The following P2RY8 variants were observed in gnomAD, a reference collection of about 807,000 sequenced individuals.
P2RY8 encodes P2Y receptor family member 8.
In P2RY8, 6 loss-of-function variants were observed where a neutral mutation model predicts 10.0. The observed-to-expected ratio is 0.60, with a 90% CI of 0.33 to 1.19. P2RY8 has a LOEUF of 1.19. Ranked by LOEUF, P2RY8 falls within the 50% of genes most tolerant of loss-of-function variation. The pLI, the probability that P2RY8 is intolerant of heterozygous loss-of-function variation, is 0.04. For synonymous variants in P2RY8, 276 were observed against 252.5 expected (o/e 1.09, Z -0.88); for missense variants, 456 against 542.0 (o/e 0.84, Z 1.58).
chrX:1,509,146 CT>C (rs1231051075), intron 1 of P2RY8, among the ~76,000 whole-genome samples: 13 of 131,790 alleles, frequency 9.9e-5, no homozygotes, highest in African/African-American at 3.7e-4. Flanking sequence ...TATCTATCAT[CT>C]ATGTATCCAT....
intron 1 of P2RY8, among the ~76,000 whole-genome samples, chrX:1,499,155 TTTC>T (rs1488895163): frequency 0.013 from 1,449 of 115,788 alleles, 23 homozygotes; most frequent in African/African-American, 0.04. Context: ...TCTTTTTCTT[TTTC>T]TTTTCTTTTT....
chrX:1,512,037 G>C (rs1269618677), intron 1 of P2RY8, among the ~76,000 whole-genome samples: 2 of 152,102 alleles, frequency 1.3e-5, no homozygotes, highest in Non-Finnish European at 2.9e-5. Flanking sequence ...CATCACACCA[G>C]ATATGTAAGC....
At chrX:1,497,875 C>G (rs1292348644) in intron 1 of P2RY8, among the ~76,000 whole-genome samples, 1 of 151,926 alleles carries the variant, frequency 6.6e-6, no homozygotes, top group Non-Finnish European at 1.5e-5. Flanking sequence ...CTAGCGGGTC[C>G]TTGCCATCCA....
chrX:1,521,673 C>T (rs752716448), intron 1 of P2RY8, among the ~76,000 whole-genome samples: 7 of 152,190 alleles, frequency 4.6e-5, no homozygotes, highest in South Asian at 4.1e-4. Flanking sequence ...TGCTTAGAAA[C>T]GGCAAAGGAA....
chrX:1,516,207 A>AAAC (rs765641892), intron 1 of P2RY8, among the ~76,000 whole-genome samples: 9,839 of 25,534 alleles, frequency 0.39, 981 homozygotes, highest in African/African-American at 0.45. Context: ...CAGAAAAACA[A>AAAC]AACAACAACA....
At chrX:1,504,281 A>C (rs1278548677) in intron 1 of P2RY8, among the ~76,000 whole-genome samples, 1 of 150,152 alleles carries the variant, frequency 6.7e-6, no homozygotes, top group South Asian at 2.1e-4. Flanking sequence ...GCGCCACTGC[A>C]CTCCAGCCTG....
At chrX:1,475,453 A>G (rs1226593220) in intron 1 of P2RY8, among the ~76,000 whole-genome samples, 1 of 152,130 alleles carries the variant, frequency 6.6e-6, no homozygotes, top group Non-Finnish European at 1.5e-5. Context: ...CAATACCTTC[A>G]TCTCAGACTT....
In P2RY8 at chrX:1,466,076, G is replaced by A. The variant is rs748140566; in HGVS notation, c.483C>T (p.Thr161=). The change falls in exon 2 of 2, where the codon ACC becomes ACT. Residue 161 remains threonine, a synonymous_variant. Coordinates refer to ENST00000381297, the MANE Select transcript of P2RY8 (RefSeq NM_178129.5). ...LLTALSPLAR[T]DLTYPVHALG... Reference sequence around the variant, plus strand: ...GGGCGTGCACCGGGTAGGTGAGATCGGTGCGCGCCAGCGGGGACAGGGCGG... The same window carrying A: ...GGGCGTGCACCGGGTAGGTGAGATCAGTGCGCGCCAGCGGGGACAGGGCGG... The A allele has an allele frequency of 5.0e-6, 8 of 1,611,582 alleles. No individual in the cohort carries two copies. The Admixed American group carries it at 5.0e-5, about 10-fold the overall frequency.
chrX:1,506,583 C>T (rs1374733285), intron 1 of P2RY8, among the ~76,000 whole-genome samples: 2 of 152,014 alleles, frequency 1.3e-5, no homozygotes, highest in Non-Finnish European at 2.9e-5. Flanking sequence ...GTATCTACCA[C>T]GTTGACCAGA....
intron 1 of P2RY8, among the ~76,000 whole-genome samples, chrX:1,496,630 GCAGTCATTTGTAGGTAA>G (rs2092119258): frequency 6.6e-6 from 1 of 151,900 alleles, no homozygotes; most frequent in South Asian, 2.1e-4. Flanking sequence ...TTCAGACGGA[GCAGTCATTTGTAGGTAA>G]CTAGGACTTG....
rs375891338 is a variant in P2RY8 at position 1,466,022 on chromosome X, G to A, written c.537C>T (p.Leu179=). 19 of 1,611,890 alleles carry A rather than the reference G, an allele frequency of 1.2e-5. No homozygotes were observed. Among genetic ancestry groups the A allele is most frequent in the East Asian group, 2.2e-5 (1 of 44,894 alleles). ...ALGIITCFDV[L]KWTMLPSVAM... ...CCACGCTGGGGAGCATCGTCCACTT[G>A]AGGACGTCGAAGCAGGTGATGATGC... The change falls in exon 2 of 2, where the codon CTC becomes CTT. Residue 179 remains leucine (L), a synonymous_variant. Coordinates refer to ENST00000381297, the MANE Select transcript of P2RY8 (RefSeq NM_178129.5).
At chrX:1,468,808 TCCCCTCACCCCTCCCCTTC>T (rs1188214800) in intron 1 of P2RY8, among the ~76,000 whole-genome samples, 3 of 2,228 alleles carry the variant, frequency 1.3e-3, no homozygotes, top group African/African-American at 4.4e-3. Context: ...CCCTTCCCTC[TCCCCTCACCCCTCCCCTTC>T]CCTCTCCCCT....
intron 1 of P2RY8, among the ~76,000 whole-genome samples, chrX:1,528,822 C>T (rs1464903422): frequency 4.0e-5 from 6 of 151,568 alleles, no homozygotes; most frequent in Admixed American, 1.3e-4. Flanking sequence ...GGGTTTGAGT[C>T]TCTTTGAATG....
At chrX:1,500,640 T>A (rs2092169306) in intron 1 of P2RY8, among the ~76,000 whole-genome samples, 1 of 152,000 alleles carries the variant, frequency 6.6e-6, no homozygotes, top group South Asian at 2.1e-4. Flanking sequence ...AGACGGGGTT[T>A]CTACTAAATG....
At position 1,465,562 on chromosome X, in the gene P2RY8, C is replaced by G. The variant is rs372095983; in HGVS notation, c.997G>C (p.Val333Leu). The change falls in exon 2 of 2, where the codon GTG becomes CTG. Residue 333 changes from valine (V) to leucine (L), a missense_variant. Transcript: ENST00000381297. Reference sequence around the variant, plus strand: ...GGGTGCGCACCGGCCTCGGAGCGCACGGACGTGGTCCTGGCGGAGAAGAGG... The same window carrying G: ...GGGTGCGCACCGGCCTCGGAGCGCAGGGACGTGGTCCTGGCGGAGAAGAGG... ...ESLFSARTTS[V>L]RSEAGAHPEG... 572 of 1,612,612 alleles carry G rather than the reference C, an allele frequency of 3.5e-4. 4 individuals carry two copies. In the South Asian group the frequency reaches 5.6e-3, roughly 16 times the overall value.
chrX:1,473,529 A>G (rs1411688481), intron 1 of P2RY8, among the ~76,000 whole-genome samples: 24 of 28,134 alleles, frequency 8.5e-4, no homozygotes, highest in Non-Finnish European at 1.3e-3. Context: ...GGATGGGTGG[A>G]TGGATGGGTG....
At chrX:1,469,329 G>A (rs2091751678) in intron 1 of P2RY8, among the ~76,000 whole-genome samples, 1 of 150,938 alleles carries the variant, frequency 6.6e-6, no homozygotes, top group South Asian at 2.1e-4. Flanking sequence ...ACGCCTGGCT[G>A]ATTTTTTACT....
At chrX:1,523,082 T>TAAATAAATAAAA (rs1363005886) in intron 1 of P2RY8, among the ~76,000 whole-genome samples, 1 of 136,214 alleles carries the variant, frequency 7.3e-6, no homozygotes, top group African/African-American at 3.1e-5. Context: ...CTGCCAAAAA[T>TAAATAAATAAAA]AAATAAATAA....
chrX:1,480,557 A>T (rs1729591272), intron 1 of P2RY8, among the ~76,000 whole-genome samples: 1 of 152,050 alleles, frequency 6.6e-6, no homozygotes, highest in African/African-American at 2.4e-5. Flanking sequence ...TCATTCTGAG[A>T]AACTAACAGA....
Sources: allele counts gnomAD v4.1 joint callset (sites outside exome capture counted in the v4.1 genomes callset), GRCh38; gene constraint gnomAD v4.1.1; transcripts MANE v1.5; gene names NCBI Gene and HGNC (gene_info 2026-07-23, HGNC 2026-07-21).